The following MAPK10 variants were observed in gnomAD, a reference collection of about 807,000 sequenced individuals.
MAPK10 encodes JNK3 alpha protein kinase.
A neutral mutation model predicts 59.3 loss-of-function variants in MAPK10; 25 were observed. The observed-to-expected ratio is 0.42, with a 90% confidence interval of 0.31 to 0.59. The LOEUF is 0.59. MAPK10 is among the 20% of genes least tolerant of loss of function. The pLI is 0.15. For synonymous variants in MAPK10, 190 were observed against 200.5 expected, an observed-to-expected ratio of 0.95 and a Z score of 0.44; for missense variants, 351 against 568.9, an observed-to-expected ratio of 0.62 and a Z score of 3.90.
rs921815568 is a variant in MAPK10, at chr4:86,011,060, C to A, written c.*6168G>T. The A allele has an allele frequency of 6.6e-6, 1 of 152,220 alleles. No homozygotes were observed. The highest frequency in any genetic ancestry group is 1.5e-5 in the Non-Finnish European group (1 of 68,040). 9.4% of individuals were successfully genotyped at this position (152,220 alleles called of 1,614,324 possible). On this transcript the variant is annotated 3_prime_UTR_variant, in exon 14 of 14. Coordinates refer to ENST00000641462, the MANE Select transcript of MAPK10 (RefSeq NM_138982.4). The stretch of plus-strand genomic sequence containing the variant: ...GTCTTTAAAAGTAAGAAATATTTGA[C>A]ATAAGGTAGAAAATTTCAAAGGAGT...
At chr4:86,376,993 C>A (rs1280880664) in intron 1 of MAPK10, among the ~76,000 whole-genome samples, 1 of 152,154 alleles carries the variant, frequency 6.6e-6, no homozygotes, top group South Asian at 2.1e-4. Context: ...GTCAGTGAAG[C>A]ACAATGGCTT....
chr4:86,019,568 G>C, intron 13 of MAPK10, among the ~76,000 whole-genome samples: 1 of 152,090 alleles, frequency 6.6e-6, no homozygotes, highest in East Asian at 1.9e-4. Flanking sequence ...GACAGCCCTT[G>C]GTTCCTTTAC....
At chr4:86,430,781 G>A (rs1457434368) in intron 1 of MAPK10, among the ~76,000 whole-genome samples, 2 of 152,152 alleles carry the variant, frequency 1.3e-5, no homozygotes, top group Non-Finnish European at 2.9e-5. Context: ...AAAACGTCAC[G>A]ATACAGAAAG....
At chr4:86,190,852 G>T (rs1204620560) in intron 3 of MAPK10, among the ~76,000 whole-genome samples, 1 of 151,992 alleles carries the variant, frequency 6.6e-6, no homozygotes, top group Non-Finnish European at 1.5e-5. Flanking sequence ...GTTGATTTTA[G>T]ATCTTTTTCA....
At position 86,010,659 on chromosome 4, in the gene MAPK10, A is replaced by G. The variant is rs1222202500; in HGVS notation, c.*6569T>C. ...TGAAAACCTTCCTTTTATAAAAGAA[A>G]TACTTTAATATTATGAATTCTCTTG... On this transcript the variant is annotated 3_prime_UTR_variant, in exon 14 of 14. Coordinates refer to ENST00000641462, the MANE Select transcript of MAPK10 (RefSeq NM_138982.4). 1 of 152,252 alleles carries G rather than the reference A, an allele frequency of 6.6e-6. No homozygotes were observed. Among genetic ancestry groups the G allele is most frequent in the Non-Finnish European group, 1.5e-5 (1 of 68,048 alleles). 9.4% of individuals were successfully genotyped at this position (152,252 alleles called of 1,614,324 possible).
At chr4:86,454,822 T>C (rs1409435930), upstream of MAPK10, among the ~76,000 whole-genome samples, 2 of 152,252 alleles carry the variant, frequency 1.3e-5, no homozygotes, top group East Asian at 3.9e-4. Context: ...CCTAGGCACA[T>C]TGTCATCAGG....
chr4:86,348,330 A>G (rs553906772), intron 2 of MAPK10, among the ~76,000 whole-genome samples: 1 of 152,238 alleles, frequency 6.6e-6, no homozygotes, highest in Non-Finnish European at 1.5e-5. Flanking sequence ...ACCTTTTATA[A>G]AATAGGAATG....
At chr4:86,245,894 T>C (rs2093052239) in intron 2 of MAPK10, among the ~76,000 whole-genome samples, 1 of 152,184 alleles carries the variant, frequency 6.6e-6, no homozygotes, top group Admixed American at 6.5e-5. Context: ...CCCCAAAATA[T>C]ATTACTCAAA....
Position 86,017,143 on chromosome 4 carries a change from T to G in MAPK10, c.*85A>C. ...TTTTCTTGATGTTGTGTGTCTGCAT[T>G]TGTGTGTGTGTGTGTGTCTGCGTGT... On this transcript the variant is annotated 3_prime_UTR_variant, in exon 14 of 14. Transcript: ENST00000641462. This position sits in a 1 kb window ranked among gnomAD's most constrained non-coding sequence, Gnocchi z 4.4. 3 of 1,277,192 alleles carry G rather than the reference T, an allele frequency of 2.3e-6. No individual in the cohort carries two copies. Among genetic ancestry groups the G allele is most frequent in the Non-Finnish European group, 2.2e-6 (2 of 917,778 alleles). 79.1% of individuals were successfully genotyped at this position (1,277,192 alleles called of 1,614,324 possible). A position where few individuals can be genotyped will look rare whatever the true frequency, so the allele number is the denominator to read the frequency against.
At chr4:86,075,500 C>T (rs945459950) in intron 9 of MAPK10, among the ~76,000 whole-genome samples, 37 of 152,256 alleles carry the variant, frequency 2.4e-4, no homozygotes, top group African/African-American at 8.9e-4. Flanking sequence ...TTTTTCTGTT[C>T]TGTTTTTTCC....
intron 1 of MAPK10, among the ~76,000 whole-genome samples, chr4:86,481,307 G>C (rs1349534053): frequency 6.6e-6 from 1 of 151,950 alleles, no homozygotes; most frequent in African/African-American, 2.4e-5. Context: ...TTGCTTCAGA[G>C]GCCTTCTAAT....
chr4:86,239,647 T>C (rs2092568082), intron 2 of MAPK10, among the ~76,000 whole-genome samples: 1 of 152,186 alleles, frequency 6.6e-6, no homozygotes, highest in African/African-American at 2.4e-5. Flanking sequence ...GAGGTGTTTA[T>C]ACTATTCTCT....
intron 1 of MAPK10, among the ~76,000 whole-genome samples, chr4:86,512,867 C>T (rs556867747): frequency 6.6e-6 from 1 of 152,250 alleles, no homozygotes; most frequent in Admixed American, 6.5e-5. Flanking sequence ...AACTGCAAAC[C>T]AGGATAAGAA....
intron 1 of MAPK10, among the ~76,000 whole-genome samples, chr4:86,416,601 G>A (rs1745892302): frequency 6.6e-6 from 1 of 152,138 alleles, no homozygotes; most frequent in Non-Finnish European, 1.5e-5. Flanking sequence ...CTGATGACAA[G>A]GACTGAGTTG....
At chr4:86,200,662 C>A (rs912945899) in intron 2 of MAPK10, among the ~76,000 whole-genome samples, 2 of 149,022 alleles carry the variant, frequency 1.3e-5, no homozygotes, top group Non-Finnish European at 3.0e-5. Context: ...AGGGAAAATG[C>A]GTAGAGAAGA....
chr4:86,106,193 A>G (rs561984769), intron 5 of MAPK10, among the ~76,000 whole-genome samples: 154 of 152,252 alleles, frequency 1.0e-3, no homozygotes, highest in African/African-American at 3.6e-3. Context: ...TTGCATTTCA[A>G]ATATCTTTCA....
intron 11 of MAPK10, among the ~76,000 whole-genome samples, chr4:86,059,286 C>T (rs1218197260): frequency 2.0e-5 from 3 of 152,144 alleles, no homozygotes; most frequent in Non-Finnish European, 4.4e-5. Flanking sequence ...AATAAAATAG[C>T]TTAATATAGC....
intron 1 of MAPK10, among the ~76,000 whole-genome samples, chr4:86,397,573 C>G (rs536711740): frequency 5.3e-5 from 8 of 152,208 alleles, no homozygotes; most frequent in Admixed American, 2.0e-4. Flanking sequence ...GCATTGAGAA[C>G]TCCCAGGAGT....
chr4:86,369,945 G>A (rs1191989750), intron 1 of MAPK10, among the ~76,000 whole-genome samples: 1 of 152,110 alleles, frequency 6.6e-6, no homozygotes, highest in Non-Finnish European at 1.5e-5. Context: ...GACTTTTCAT[G>A]AGAAACAAAT....
Sources: gnomAD v4.1 joint callset for allele counts (sites outside exome capture counted in the v4.1 genomes callset) on GRCh38, gnomAD v4.1.1 for gene constraint, Gnocchi (gnomAD v3.1) non-coding constraint, MANE v1.5 for transcripts, NCBI Gene and HGNC (gene_info 2026-07-23, HGNC 2026-07-21) for gene names.